SPTAN1: variants seen among roughly 807,000 people sequenced by gnomAD.
The protein encoded by SPTAN1 is spectrin alpha chain, non-erythrocytic 1.
SPTAN1 carries 61 observed loss-of-function variants against 331.3 expected under a neutral mutation model. The ratio of observed to expected loss-of-function variants is 0.18; its 90% CI spans 0.15 to 0.23. The LOEUF is 0.23. SPTAN1 is among the 10% of genes least tolerant of loss of function. The pLI, the probability that SPTAN1 is intolerant of heterozygous loss-of-function variation, is 1.00. For missense variants in SPTAN1, 2,043 were observed against 3,147.9 expected, an observed-to-expected ratio of 0.65 and a Z score of 8.40; for synonymous variants, 1,153 against 1,173.9, an observed-to-expected ratio of 0.98 and a Z score of 0.36.
chr9:128,590,383 C>T lies in SPTAN1; in HGVS notation c.3007-1094C>T, dbSNP rs1183432638. Among the ~76,000 whole-genome samples, 3 of 151,912 alleles carry T rather than the reference C, an allele frequency of 2.0e-5. No homozygotes were observed. The East Asian group carries it at 5.8e-4, about 29-fold the overall frequency. On this transcript the variant is annotated intron_variant, in intron 21 of 56. Transcript: ENST00000372739. Reference sequence around the variant, plus strand: ...GTAAGCCCTTAAAATATGGCTAGTACAACTGGGTGTTTTATTTAATTAAAT... The same window carrying T: ...GTAAGCCCTTAAAATATGGCTAGTATAACTGGGTGTTTTATTTAATTAAAT...
At chr9:128,617,602 G>T (rs762152171) in intron 41 of SPTAN1, 38 bp from the exon 42 acceptor site, 1 of 1,613,886 alleles carries the variant, frequency 6.2e-7, no homozygotes, top group South Asian at 1.1e-5. Flanking sequence ...GCAGGGAGGT[G>T]CAGAGACTGA....
intron 45 of SPTAN1, among the ~76,000 whole-genome samples, chr9:128,622,394 G>C (rs892109324): frequency 6.8e-6 from 1 of 146,564 alleles, no homozygotes; most frequent in Non-Finnish European, 1.5e-5. Context: ...CCACCTCCCA[G>C]GTTGAAACGA....
chr9:128,555,201 C>A, intron 1 of SPTAN1: 1 of 475,964 alleles, frequency 2.1e-6, no homozygotes, highest in Non-Finnish European at 3.5e-6. Context: ...AGACGCTATA[C>A]AGAATGTCAG....
intron 24 of SPTAN1, chr9:128,596,267 GT>G (rs1218692359): frequency 6.6e-6 from 1 of 150,732 alleles, no homozygotes; most frequent in Non-Finnish European, 1.5e-5. Flanking sequence ...TGTTTTGTTC[GT>G]TTTTTTTGTT....
intron 28 of SPTAN1, 106 bp downstream of exon 28, chr9:128,603,696 C>T: frequency 7.4e-7 from 1 of 1,345,252 alleles, no homozygotes; most frequent in Admixed American, 1.7e-5. Flanking sequence ...TGACCTGTGA[C>T]ATATCTCACT....
chr9:128,587,564 T>C, intron 19 of SPTAN1, 42 bp from the exon 20 acceptor site: 2 of 1,573,072 alleles, frequency 1.3e-6, no homozygotes, highest in South Asian at 1.1e-5. Context: ...GATGGGAGGC[T>C]TCAGCCCCTG....
intron 18 of SPTAN1, among the ~76,000 whole-genome samples, chr9:128,585,479 T>C (rs891302197): frequency 2.0e-5 from 3 of 152,216 alleles, no homozygotes; most frequent in Non-Finnish European, 4.4e-5. Flanking sequence ...GTACTGTTAC[T>C]AGTCTTTATG....
intron 1 of SPTAN1, among the ~76,000 whole-genome samples, chr9:128,566,425 C>T (rs1850046343): frequency 6.6e-6 from 1 of 152,142 alleles, no homozygotes; most frequent in African/African-American, 2.4e-5. Context: ...CCTCTGAATC[C>T]TTGAAGCCTT....
At chr9:128,624,591 G>T (rs1201120011) in intron 46 of SPTAN1, 104 bp downstream of exon 46, 2 of 1,429,662 alleles carry the variant, frequency 1.4e-6, no homozygotes, top group Non-Finnish European at 1.9e-6. Context: ...ATCAATTGTG[G>T]GCATGGCAGA....
At chr9:128,561,142 G>C (rs1033146527) in intron 1 of SPTAN1, among the ~76,000 whole-genome samples, 1 of 151,812 alleles carries the variant, frequency 6.6e-6, no homozygotes, top group Non-Finnish European at 1.5e-5. Flanking sequence ...GGCCGAGGCG[G>C]GCGGACCACA....
chr9:128,555,949 C>T (rs1385207935), intron 1 of SPTAN1, among the ~76,000 whole-genome samples: 2 of 152,018 alleles, frequency 1.3e-5, no homozygotes, highest in Non-Finnish European at 1.5e-5. Context: ...GGGCTGGGTG[C>T]GGTGGCTCAT....
intron 9 of SPTAN1, among the ~76,000 whole-genome samples, 159 bp from the exon 10 acceptor site, chr9:128,579,478 A>C (rs1589196775): frequency 6.6e-6 from 1 of 152,368 alleles, no homozygotes; most frequent in East Asian, 1.9e-4. Context: ...TTGATGACCT[A>C]GACTGATTAT....
chr9:128,615,736 C>G lies in SPTAN1; in HGVS notation c.5253C>G (p.Phe1751Leu), dbSNP rs776449256. The G allele has an allele frequency of 1.1e-5, 17 of 1,614,218 alleles. No individual in the cohort carries two copies. The highest frequency in any genetic ancestry group is 1.4e-5 in the Non-Finnish European group (17 of 1,180,050). ...KDKRDTINGR[F>L]QKIKSMAASR... Reference sequence around the variant, plus strand: ...AGAGGGACACCATCAACGGGCGCTTCCAGAAGATCAAGAGCATGGCGGCCT... The same window carrying G: ...AGAGGGACACCATCAACGGGCGCTTGCAGAAGATCAAGAGCATGGCGGCCT... The change falls in exon 41 of 57, where the codon TTC (phenylalanine) becomes TTG (leucine). Residue 1751 changes from phenylalanine (F) to leucine (L), a missense_variant. Physicochemically the swap from Phe to Leu is conservative, Grantham distance 22. This residue lies in a region of SPTAN1 where 323 missense variants were observed against 581.1 expected (regional missense o/e 0.56). Transcript: ENST00000372739.
intron 27 of SPTAN1, among the ~76,000 whole-genome samples, chr9:128,600,972 G>GTT (rs1474161366): frequency 9.0e-5 from 2 of 22,226 alleles, no homozygotes; most frequent in African/African-American, 1.9e-4. Flanking sequence ...CAGGGAGAAA[G>GTT]TCTTTTTTTT....
rs1848262532 is a variant in SPTAN1 at position 128,552,703 on chromosome 9, G to C, written c.-4+7G>C. On this transcript the variant is annotated splice_region_variant and intron_variant, in intron 1 of 56. Transcript: ENST00000372739. This position sits in a 1 kb window ranked among gnomAD's most constrained non-coding sequence, Gnocchi z 4.6. ...CCTCACCCCCCGAGAGCCGGTGAGAGGGGCAGCCGGGGAGCTCCGGGAGGG... is the reference window on the plus strand; with the variant it reads ...CCTCACCCCCCGAGAGCCGGTGAGACGGGCAGCCGGGGAGCTCCGGGAGGG... The C allele has an allele frequency of 6.6e-6, 1 of 151,884 alleles. No individual in the cohort carries two copies. The highest frequency in any genetic ancestry group is 1.5e-5 in the Non-Finnish European group (1 of 67,976). The allele number at this position is 151,884 out of a possible 1,614,324, so 9.4% of individuals were successfully genotyped here. A position where few individuals can be genotyped will look rare whatever the true frequency, so the allele number is the denominator to read the frequency against.
chr9:128,577,368 C>G lies in SPTAN1; in HGVS notation c.947C>G (p.Ala316Gly). The change falls in exon 8 of 57, where the codon GCT becomes GGT. Residue 316 changes from alanine to glycine, a missense_variant. Ala to Gly is a moderately conservative substitution (Grantham distance 60, BLOSUM62 0). Transcript: ENST00000372739. The surrounding 1 kb of genome is among the most constrained non-coding windows in gnomAD (Gnocchi z 4.2). Reference protein sequence around the residue: ...ALEDKVKALCAEADRLQQSHP... With the variant: ...ALEDKVKALCGEADRLQQSHP... ...CATTTCTAGGTCAAAGCCCTGTGTG[C>G]TGAGGCTGACCGCCTGCAACAGTCC... is the stretch of plus-strand genomic sequence containing the variant. The G allele has an allele frequency of 6.2e-7, 1 of 1,614,228 alleles. No individual in the cohort carries two copies. Among genetic ancestry groups the G allele is most frequent in the Non-Finnish European group, 8.5e-7 (1 of 1,180,040 alleles).
chr9:128,621,508 C>T (rs1257261732), intron 45 of SPTAN1, among the ~76,000 whole-genome samples: 2 of 152,180 alleles, frequency 1.3e-5, no homozygotes, highest in African/African-American at 4.8e-5. Context: ...CCAAATGCTG[C>T]TCTTAGTTTA....
At position 128,575,652 on chromosome 9, in the gene SPTAN1, C is replaced by T. The variant is rs558280047; in HGVS notation, c.651+307C>T. On this transcript the variant is annotated intron_variant, in intron 5 of 56. Transcript: ENST00000372739. ...AAGCTAGGTCTCAGGGTTTCTCAGA[C>T]GAGGGTGTGGTGGTGAATGCTAAGT... 7.9e-5 allele frequency among the ~76,000 whole-genome samples: 12 copies of T among 152,258 alleles called. No homozygotes were observed. In the East Asian group the frequency reaches 1.9e-3, roughly 24 times the overall value.
Position 128,577,820 on chromosome 9 carries a change from A to G in SPTAN1, c.1086-290A>G, listed in dbSNP as rs532297319. Among the ~76,000 whole-genome samples the G allele has an allele frequency of 1.3e-5, 2 of 152,350 alleles. No individual in the cohort carries two copies. The highest frequency in any genetic ancestry group is 2.9e-5 in the Non-Finnish European group (2 of 68,042). ...TATTAAAACCAGGATTAGAAAGGAA[A>G]AGAATCCTTGCTAGCCAAGGGTTGA... On this transcript the variant is annotated intron_variant, in intron 8 of 56. Coordinates refer to ENST00000372739, the MANE Select transcript of SPTAN1 (RefSeq NM_001130438.3). The surrounding 1 kb of genome is among the most constrained non-coding windows in gnomAD (Gnocchi z 4.2).
Sources: gnomAD v4.1 joint callset for allele counts (sites outside exome capture counted in the v4.1 genomes callset) on GRCh38, gnomAD v4.1.1 for gene constraint, gnomAD v4.1.1 regional missense constraint, Gnocchi (gnomAD v3.1) non-coding constraint, MANE v1.5 for transcripts, NCBI Gene and HGNC (gene_info 2026-07-23, HGNC 2026-07-21) for gene names.